R3HDM2: variants seen among roughly 807,000 people sequenced by gnomAD.
The protein encoded by R3HDM2 is R3H domain-containing protein 2.
R3HDM2 carries 38 observed loss-of-function variants against 124.5 expected under a neutral mutation model. The ratio of observed to expected loss-of-function variants is 0.31; its 90% CI spans 0.24 to 0.40. The LOEUF (loss-of-function observed/expected upper bound fraction) is 0.40, where lower values mean the gene tolerates loss of function less well. R3HDM2 is among the 10% of genes least tolerant of loss of function. The pLI, the probability that R3HDM2 is intolerant of heterozygous loss-of-function variation, is 1.00. For synonymous variants in R3HDM2, 391 were observed against 448.0 expected, an observed-to-expected ratio of 0.87 and a Z score of 1.61; for missense variants, 869 against 1,236.9, an observed-to-expected ratio of 0.70 and a Z score of 4.46.
intron 2 of R3HDM2, among the ~76,000 whole-genome samples, chr12:57,319,456 G>C (rs1446779419): frequency 1.3e-5 from 2 of 152,150 alleles, no homozygotes; most frequent in South Asian, 4.2e-4. Flanking sequence ...CCTCCAGAAA[G>C]AAACCATTTC....
chr12:57,381,856 G>A (rs2064932512), intron 2 of R3HDM2, among the ~76,000 whole-genome samples: 1 of 151,988 alleles, frequency 6.6e-6, no homozygotes, highest in Non-Finnish European at 1.5e-5. Flanking sequence ...CTCGCTCTGA[G>A]GCCCAGGCTG....
chr12:57,287,842 T>C lies in R3HDM2; in HGVS notation c.938+1167A>G, dbSNP rs758480703. Among the ~76,000 whole-genome samples the C allele has an allele frequency of 7.9e-5, 12 of 152,148 alleles. No homozygotes were observed. In the East Asian group the frequency reaches 1.5e-3, roughly 20 times the overall value. On this transcript the variant is annotated intron_variant, in intron 12 of 23. Coordinates refer to ENST00000402412, the MANE Select transcript of R3HDM2 (RefSeq NM_001394031.1). ...CCTTGTATTATCCTCTGGGGTAGGA[T>C]TGAGAGACTGAAATGAAAGGGAGGG...
At chr12:57,357,776 G>T (rs2061462618) in intron 2 of R3HDM2, among the ~76,000 whole-genome samples, 1 of 149,060 alleles carries the variant, frequency 6.7e-6, no homozygotes, top group Non-Finnish European at 1.5e-5. Flanking sequence ...AGATTTTTCT[G>T]CTTCCTAACT....
At chr12:57,404,955 A>T (rs979682318) in intron 1 of R3HDM2, among the ~76,000 whole-genome samples, 6 of 152,168 alleles carry the variant, frequency 3.9e-5, no homozygotes, top group African/African-American at 1.4e-4. Context: ...AAACCTTTGA[A>T]TCTTTAAGTA....
intron 2 of R3HDM2, among the ~76,000 whole-genome samples, chr12:57,328,057 C>T (rs2057557615): frequency 1.3e-5 from 2 of 149,584 alleles, no homozygotes; most frequent in African/African-American, 2.4e-5. Context: ...TCAGTCGATT[C>T]GGTAAATTCA....
At chr12:57,265,939 G>C (rs566358403) in intron 19 of R3HDM2, among the ~76,000 whole-genome samples, 2 of 151,720 alleles carry the variant, frequency 1.3e-5, no homozygotes, top group South Asian at 4.2e-4. Context: ...TGGGATTACA[G>C]ATGCACGCCA....
chr12:57,289,512 C>T (rs1244832427), intron 11 of R3HDM2, among the ~76,000 whole-genome samples: 1 of 152,198 alleles, frequency 6.6e-6, no homozygotes, highest in Non-Finnish European at 1.5e-5. Context: ...AAATGAAAGA[C>T]ATTCTGACCT....
chr12:57,267,748 C>T (rs534892053), intron 18 of R3HDM2, among the ~76,000 whole-genome samples: 1 of 152,278 alleles, frequency 6.6e-6, no homozygotes, highest in African/African-American at 2.4e-5. Flanking sequence ...CTGCCTCTAA[C>T]TAGCTATGTT....
intron 1 of R3HDM2, 148 bp downstream of exon 1, chr12:57,430,572 C>G (rs937088407): frequency 1.0e-6 from 1 of 985,098 alleles, no homozygotes; most frequent in Non-Finnish European, 1.2e-6. Flanking sequence ...CGCGGCCATC[C>G]GACCCTGACC....
intron 2 of R3HDM2, among the ~76,000 whole-genome samples, chr12:57,383,856 A>G (rs1382124019): frequency 1.3e-5 from 2 of 152,204 alleles, no homozygotes; most frequent in African/African-American, 4.8e-5. Context: ...CTGGGAGTAA[A>G]TATTAGATAC....
intron 1 of R3HDM2, among the ~76,000 whole-genome samples, chr12:57,429,662 G>A (rs1410767184): frequency 2.7e-5 from 4 of 146,008 alleles, no homozygotes; most frequent in African/African-American, 1.0e-4. Flanking sequence ...GCATTGAGCC[G>A]AAAAGGAACC....
At chr12:57,284,823 AT>A (rs1198548217) in intron 12 of R3HDM2, among the ~76,000 whole-genome samples, 8 of 152,194 alleles carry the variant, frequency 5.3e-5, no homozygotes, top group African/African-American at 1.9e-4. Context: ...AAGCAAAACT[AT>A]TAAGGAAAGG....
rs149870156 is a variant in R3HDM2, at chr12:57,355,726, A to G, written c.-36+40023T>C. 1.3e-3 allele frequency among the ~76,000 whole-genome samples: 198 copies of G among 152,272 alleles called. 2 individuals carry two copies. The highest frequency in any genetic ancestry group is 4.5e-3 in the African/African-American group (188 of 41,560). On this transcript the variant is annotated intron_variant, in intron 2 of 23. Transcript: ENST00000402412. ...TGTCAACTGGAATTGTATTGAATCTATGGACATGGGAAGAATTTAAAAATA... is the reference window on the plus strand; with the variant it reads ...TGTCAACTGGAATTGTATTGAATCTGTGGACATGGGAAGAATTTAAAAATA...
intron 1 of R3HDM2, among the ~76,000 whole-genome samples, chr12:57,414,797 C>T (rs1415989168): frequency 6.6e-6 from 1 of 151,496 alleles, no homozygotes; most frequent in Non-Finnish European, 1.5e-5. Context: ...CACACCACTG[C>T]ACTCCAGCCT....
At chr12:57,280,080 A>G (rs888279321) in intron 14 of R3HDM2, among the ~76,000 whole-genome samples, 4 of 152,194 alleles carry the variant, frequency 2.6e-5, no homozygotes, top group African/African-American at 7.2e-5. Context: ...GGTACAGTAG[A>G]AATGTGGTAT....
chr12:57,268,018 C>A (rs1054267689), intron 18 of R3HDM2, among the ~76,000 whole-genome samples: 1 of 152,192 alleles, frequency 6.6e-6, no homozygotes, highest in Non-Finnish European at 1.5e-5. Context: ...GATGAGCAGT[C>A]TCTATCCTCT....
chr12:57,390,180 AAAAAG>A (rs1566457792), intron 2 of R3HDM2, among the ~76,000 whole-genome samples: 49 of 122,098 alleles, frequency 4.0e-4, no homozygotes, highest in Admixed American at 6.3e-4. Flanking sequence ...ACTAAAAAAA[AAAAAG>A]AAAGAAAGAA....
At position 57,371,083 on chromosome 12, in the gene R3HDM2, CTTTTTTTT is replaced by C. The variant is rs775839017; in HGVS notation, c.-36+24658_-36+24665del. Among the ~76,000 whole-genome samples, 203 of 40,910 alleles carry C rather than the reference CTTTTTTTT, an allele frequency of 5.0e-3. 7 individuals carry two copies. In the South Asian group the frequency reaches 0.1, roughly 21 times the overall value. 26.8% of individuals were successfully genotyped at this position (40,910 alleles called of 152,430 possible). On this transcript the variant is annotated intron_variant, in intron 2 of 23. Coordinates refer to ENST00000402412, the MANE Select transcript of R3HDM2 (RefSeq NM_001394031.1). ...AATGGGAACCAAATATATACCATTA[CTTTTTTTT>C]TTTTTTTTTTTTTTTTTTTTTTAAG...
At chr12:57,256,352 C>T in intron 22 of R3HDM2, 62 bp downstream of exon 22, 2 of 1,366,970 alleles carry the variant, frequency 1.5e-6, no homozygotes, top group Non-Finnish European at 2.0e-6. Context: ...GAAGCTCAGA[C>T]ACAGGCACCC....
Sources: gnomAD v4.1 joint callset for allele counts (sites outside exome capture counted in the v4.1 genomes callset) on GRCh38, gnomAD v4.1.1 for gene constraint, MANE v1.5 for transcripts, NCBI Gene and HGNC (gene_info 2026-07-23, HGNC 2026-07-21) for gene names.